FAM20A: variants seen among roughly 807,000 people sequenced by gnomAD.
FAM20A encodes the protein pseudokinase FAM20A.
In FAM20A, 42 loss-of-function variants were observed where a neutral mutation model predicts 52.0. That is an observed-to-expected ratio of 0.81 (90% CI 0.63 to 1.04). The LOEUF (loss-of-function observed/expected upper bound fraction) is 1.04. FAM20A is among the 50% of genes least tolerant of loss of function. The probability of loss-of-function intolerance (pLI) is 0.00; values close to 1 mark genes in which losing one functional copy is unlikely to be tolerated. For missense variants in FAM20A, 742 were observed against 712.7 expected (o/e 1.04, Z -0.47); for synonymous variants, 304 against 298.9 (o/e 1.02, Z -0.18).
chr17:68,585,613 A>AT (rs1459654316), intron 1 of FAM20A, among the ~76,000 whole-genome samples: 1 of 152,138 alleles, frequency 6.6e-6, no homozygotes, highest in Non-Finnish European at 1.5e-5. Context: ...CTGCCACTCA[A>AT]TGTCAGTGAA....
intron 7 of FAM20A, chr17:68,541,444 C>T (rs1403314709): frequency 5.2e-6 from 1 of 192,702 alleles, no homozygotes; most frequent in African/African-American, 2.3e-5. Flanking sequence ...GTCATGTCCT[C>T]CAGAAATTCT....
chr17:68,568,353 A>C (rs2087439136), intron 1 of FAM20A, among the ~76,000 whole-genome samples: 1 of 151,740 alleles, frequency 6.6e-6, no homozygotes, highest in Non-Finnish European at 1.5e-5. Flanking sequence ...CTGTAGTCCC[A>C]GCTACTCGGG....
Position 68,537,314 on chromosome 17 carries a change from T to G in FAM20A, c.*163A>C. 1 of 894,828 alleles carries G rather than the reference T, an allele frequency of 1.1e-6. No homozygotes were observed. Among genetic ancestry groups the G allele is most frequent in the Non-Finnish European group, 1.8e-6 (1 of 560,244 alleles). The allele number at this position is 894,828 out of a possible 1,614,324, so 55.4% of individuals were successfully genotyped here. A position where few individuals can be genotyped will look rare whatever the true frequency, so the allele number is the denominator to read the frequency against. The stretch of plus-strand genomic sequence containing the variant: ...GAAGCGGTGCACCAAGGAGTAAAGA[T>G]TCAGTTCCATGGGCCCCACTTGCTG... On this transcript the variant is annotated 3_prime_UTR_variant, in exon 11 of 11. Transcript: ENST00000592554. The surrounding 1 kb of genome is among the most constrained non-coding windows in gnomAD (Gnocchi z 4.2).
chr17:68,571,605 G>T (rs961949909), intron 1 of FAM20A, among the ~76,000 whole-genome samples: 1 of 152,150 alleles, frequency 6.6e-6, no homozygotes, highest in African/African-American at 2.4e-5. Flanking sequence ...TCTTGCATCT[G>T]TTTGATCCAT....
chr17:68,593,501 A>C (rs909019112), intron 1 of FAM20A, among the ~76,000 whole-genome samples: 6 of 152,200 alleles, frequency 3.9e-5, no homozygotes, highest in Admixed American at 6.5e-5. Flanking sequence ...AGGCTACTGC[A>C]ATAAGAAGAG....
chr17:68,536,470 A>G lies in FAM20A; in HGVS notation c.*1007T>C. On this transcript the variant is annotated 3_prime_UTR_variant, in exon 11 of 11. Coordinates refer to ENST00000592554, the MANE Select transcript of FAM20A (RefSeq NM_017565.4). ...AGAGGAGACAAGGAATCCCTACTAC[A>G]CTTTCTTCTAAGGGAGGCTTCAATA... 2.2e-6 allele frequency: 1 copy of G among 454,080 alleles called. No individual in the cohort carries two copies. Among genetic ancestry groups the G allele is most frequent in the South Asian group, 1.6e-5 (1 of 64,472 alleles). 28.1% of individuals were successfully genotyped at this position (454,080 alleles called of 1,614,324 possible).
rs2088606158 is a variant in FAM20A at position 68,600,866 on chromosome 17, C to T, written c.-200G>A. On this transcript the variant is annotated 5_prime_UTR_variant, in exon 1 of 11. Transcript: ENST00000592554. The surrounding 1 kb of genome is among the most constrained non-coding windows in gnomAD (Gnocchi z 6.2). ...CTTGGGGACCAGGTGCACGGAGCAC[C>T]GGGGCTCTCGGAGTCAGCGGGCGTC... is the stretch of plus-strand genomic sequence containing the variant. 1 of 544,566 alleles carries T rather than the reference C, an allele frequency of 1.8e-6. No individual in the cohort carries two copies. Among genetic ancestry groups the T allele is most frequent in the Middle Eastern group, 4.9e-4 (1 of 2,050 alleles). 33.7% of individuals were successfully genotyped at this position (544,566 alleles called of 1,614,324 possible). A position where few individuals can be genotyped will look rare whatever the true frequency, so the allele number is the denominator to read the frequency against.
chr17:68,537,351 G>C lies in FAM20A; in HGVS notation c.*126C>G. ...GGCCCCACTTGCTGTTTGAGAAAAT[G>C]TCCTGCTTCCTTCCTAGCTGACTTG... On this transcript the variant is annotated 3_prime_UTR_variant, in exon 11 of 11. Coordinates refer to ENST00000592554, the MANE Select transcript of FAM20A (RefSeq NM_017565.4). This position sits in a 1 kb window ranked among gnomAD's most constrained non-coding sequence, Gnocchi z 4.2. The C allele has an allele frequency of 8.2e-7, 1 of 1,226,510 alleles. No homozygotes were observed. The highest frequency in any genetic ancestry group is 1.2e-6 in the Non-Finnish European group (1 of 847,610). 76.0% of individuals were successfully genotyped at this position (1,226,510 alleles called of 1,614,324 possible). A position where few individuals can be genotyped will look rare whatever the true frequency, so the allele number is the denominator to read the frequency against.
rs754687887 is a variant in FAM20A at position 68,536,597 on chromosome 17, G to A, written c.*880C>T. The A allele has an allele frequency of 1.6e-4, 71 of 453,462 alleles. 1 individual carries two copies. Among genetic ancestry groups the A allele is most frequent in the East Asian group, 6.3e-4 (9 of 14,378 alleles). 28.1% of individuals were successfully genotyped at this position (453,462 alleles called of 1,614,324 possible). ...CCCTTTCTTCTTTTGGGGATGGGCC[G>A]GGGACAATCCTGGGGTCTTAGGGAA... On this transcript the variant is annotated 3_prime_UTR_variant, in exon 11 of 11. Coordinates refer to ENST00000592554, the MANE Select transcript of FAM20A (RefSeq NM_017565.4).
intron 1 of FAM20A, among the ~76,000 whole-genome samples, chr17:68,576,645 G>T (rs961991794): frequency 6.6e-6 from 1 of 152,214 alleles, no homozygotes; most frequent in Admixed American, 6.5e-5. Flanking sequence ...GACACTTAGT[G>T]GTGGGTACTA....
rs549169753 is a variant in FAM20A, at chr17:68,561,534, C to CT, written c.405-5792dup. ...CATATTCCAAGGCAATGCTGTTGAA[C>CT]TTTTTTAACTTGATAAAACACTTTA... On this transcript the variant is annotated intron_variant, in intron 1 of 10. Transcript: ENST00000592554. Among the ~76,000 whole-genome samples the CT allele has an allele frequency of 1.4e-4, 21 of 149,322 alleles. No individual in the cohort carries two copies. In the East Asian group the frequency reaches 3.7e-3, roughly 26 times the overall value.
At position 68,542,769 on chromosome 17, in the gene FAM20A, T is replaced by C. The variant is rs1307692323; in HGVS notation, c.853A>G (p.Ile285Val). The C allele has an allele frequency of 1.2e-6, 2 of 1,614,084 alleles. No individual in the cohort carries two copies. The change falls in exon 6 of 11, where the codon ATA becomes GTA. Residue 285 changes from isoleucine (I) to valine (V), a missense_variant. Coordinates refer to ENST00000592554, the MANE Select transcript of FAM20A (RefSeq NM_017565.4). ...FRRVPPTVGR[I>V]VNVTKEILEV... The stretch of plus-strand genomic sequence containing the variant: ...AGGATTTCCTTGGTGACATTTACTA[T>C]CCTCCCCACTGTTGGCGGCACCCGT...
At chr17:68,556,652 T>C (rs1331211445) in intron 1 of FAM20A, among the ~76,000 whole-genome samples, 1 of 151,742 alleles carries the variant, frequency 6.6e-6, no homozygotes, top group Non-Finnish European at 1.5e-5. Context: ...CTTTGAGAGG[T>C]AGGCAAGAAA....
Position 68,541,987 on chromosome 17 carries a change from C to T in FAM20A, c.1107G>A (p.Glu369=). 6.2e-7 allele frequency: 1 copy of T among 1,613,176 alleles called. No individual in the cohort carries two copies. The highest frequency in any genetic ancestry group is 2.2e-5 in the East Asian group (1 of 44,860). ...WIRSYTLAGK[E]EWEVNPLYCD... is the part of the protein sequence containing the mutation. ...GTGTGGCCTGGGGACCAACTCACTC[C>T]TCTTTTCCTGCCAGTGTGTAGGAGC... The change falls in exon 7 of 11, where the codon GAG becomes GAA. Residue 369 remains glutamate, a splice_region_variant and synonymous_variant. Coordinates refer to ENST00000592554, the MANE Select transcript of FAM20A (RefSeq NM_017565.4).
At chr17:68,549,266 A>T (rs2086721234) in intron 4 of FAM20A, among the ~76,000 whole-genome samples, 1 of 152,096 alleles carries the variant, frequency 6.6e-6, no homozygotes, top group Non-Finnish European at 1.5e-5. Context: ...AGGCCAAGAC[A>T]GGGGAATCGC....
At chr17:68,540,689 C>T (rs1037698770) in intron 8 of FAM20A, 160 bp downstream of exon 8, 5 of 883,016 alleles carry the variant, frequency 5.7e-6, no homozygotes, top group East Asian at 2.7e-5. Context: ...GAGCCTGTTA[C>T]CTTCTGTCCT....
At chr17:68,539,272 G>T in intron 10 of FAM20A, 65 bp downstream of exon 10, 2 of 1,553,494 alleles carry the variant, frequency 1.3e-6, no homozygotes, top group Non-Finnish European at 8.9e-7. Context: ...TCAGACCTTG[G>T]CTGCAAGCAG....
chr17:68,581,422 C>T (rs1216066517), intron 1 of FAM20A, among the ~76,000 whole-genome samples: 200 of 64,790 alleles, frequency 3.1e-3, no homozygotes, highest in African/African-American at 8.6e-3. Context: ...TTCTTTTTCT[C>T]TTTTCTTTCT....
intron 1 of FAM20A, among the ~76,000 whole-genome samples, chr17:68,584,348 A>AAAAC (rs1491466615): frequency 0.039 from 849 of 21,908 alleles, 6 homozygotes; most frequent in African/African-American, 0.11. Context: ...AAAACAAAAC[A>AAAAC]AAAAAAAAAC....
Sources: gnomAD v4.1 joint callset for allele counts (sites outside exome capture counted in the v4.1 genomes callset) on GRCh38, gnomAD v4.1.1 for gene constraint, Gnocchi (gnomAD v3.1) non-coding constraint, MANE v1.5 for transcripts, NCBI Gene and HGNC (gene_info 2026-07-23, HGNC 2026-07-21) for gene names.